The following MMP27 variants were observed in gnomAD, a reference collection of about 807,000 sequenced individuals.
MMP27 encodes matrix metallopeptidase 27, also known as matrix metalloproteinase-27.
Under a neutral mutation model 48.1 loss-of-function variants are expected in MMP27, and 51 were observed. The observed-to-expected ratio is 1.06, with a 90% CI of 0.85 to 1.34. The LOEUF (loss-of-function observed/expected upper bound fraction) is 1.34, where lower values mean the gene tolerates loss of function less well. Ranked by LOEUF, MMP27 falls within the 40% of genes most tolerant of loss-of-function variation. The pLI, the probability that MMP27 is intolerant of heterozygous loss-of-function variation, is 0.00. For synonymous variants in MMP27, 229 were observed against 208.9 expected (o/e 1.10, Z -0.83); for missense variants, 698 against 619.3 (o/e 1.13, Z -1.35).
In MMP27 at chr11:102,702,839, A is replaced by G; in HGVS notation, c.533T>C (p.Val178Ala). ...CPRYFDGPLG[V>A]LGHAFPPGPG... is the part of the protein sequence containing the mutation. ...ACCAGGAGGAAAGGCATGGCCAAGC[A>G]CTCCCAAGGGACCATCAAAATAGCG... Residue 178 changes from valine (V) to alanine (A), a missense_variant, in exon 4 of 10, where the codon GTG becomes GCG. Coordinates refer to ENST00000260229, the MANE Select transcript of MMP27 (RefSeq NM_022122.3). 1 of 1,613,986 alleles carries G rather than the reference A, an allele frequency of 6.2e-7. No homozygotes were observed. The highest frequency in any genetic ancestry group is 8.5e-7 in the Non-Finnish European group (1 of 1,179,970).
At chr11:102,692,821 T>G in intron 9 of MMP27, 117 bp downstream of exon 9, 1 of 730,094 alleles carries the variant, frequency 1.4e-6, no homozygotes, top group Non-Finnish European at 2.3e-6. Context: ...TATTATTGTA[T>G]ATACTTAAGA....
At chr11:102,699,497 A>G (rs563224372) in intron 4 of MMP27, among the ~76,000 whole-genome samples, 1 of 152,238 alleles carries the variant, frequency 6.6e-6, no homozygotes. Flanking sequence ...ACATACATAC[A>G]TACATAAAGT....
At position 102,693,888 on chromosome 11, in the gene MMP27, A is replaced by G; in HGVS notation, c.1193+18T>C. On this transcript the variant is annotated intron_variant, in intron 8 of 9. Coordinates refer to ENST00000260229, the MANE Select transcript of MMP27 (RefSeq NM_022122.3). ...TTTCTCCATAATAAAACAAAGTGTC[A>G]ATTGTCTGTAAACTTACCTCCAGCA... 1 of 1,562,148 alleles carries G rather than the reference A, an allele frequency of 6.4e-7. No individual in the cohort carries two copies. Among genetic ancestry groups the G allele is most frequent in the Non-Finnish European group, 8.6e-7 (1 of 1,157,176 alleles).
chr11:102,691,807 CA>C lies in MMP27; in HGVS notation c.1500del (p.Phe500LeufsTer7). The C allele has an allele frequency of 6.2e-7, 1 of 1,605,078 alleles. No homozygotes were observed. Among genetic ancestry groups the C allele is most frequent in the East Asian group, 2.2e-5 (1 of 44,554 alleles). ...LYHKSLSLFI[F>X]GIVHLLKNTS... ...GTGTTTTTCAGCAAATGAACAATACCAAAAATAAACAAGCTTAAACTCTTAT... is the reference window on the plus strand; with the variant it reads ...GTGTTTTTCAGCAAATGAACAATACCAAAATAAACAAGCTTAAACTCTTAT... On this transcript the variant is annotated frameshift_variant, in exon 10 of 10. Coordinates refer to ENST00000260229, the MANE Select transcript of MMP27 (RefSeq NM_022122.3). LOFTEE classifies it high-confidence loss of function.
chr11:102,694,067 TA>T lies in MMP27; in HGVS notation c.1034-3del. 6.4e-7 allele frequency: 1 copy of T among 1,564,472 alleles called. No homozygotes were observed. Among genetic ancestry groups the T allele is most frequent in the South Asian group, 1.2e-5 (1 of 81,374 alleles). On this transcript the variant is annotated splice_polypyrimidine_tract_variant and splice_region_variant and intron_variant, in intron 7 of 9. Coordinates refer to ENST00000260229, the MANE Select transcript of MMP27 (RefSeq NM_022122.3). ...CTCTGATCATCCAGAAGTTTTCATC[TA>T]GGAAGAGAGGAGTGATTATTTATTT... is the stretch of plus-strand genomic sequence containing the variant.
Position 102,691,487 on chromosome 11 carries a change from T to C in MMP27, c.*279A>G, listed in dbSNP as rs1035774689. ...TTAAACTCCAAAGGTCCAGACAAAA[T>C]AGAATGCTAAAGATTGGTTTAATAA... On this transcript the variant is annotated 3_prime_UTR_variant, in exon 10 of 10. Coordinates refer to ENST00000260229, the MANE Select transcript of MMP27 (RefSeq NM_022122.3). 3.7e-6 allele frequency: 1 copy of C among 268,138 alleles called. No homozygotes were observed. The highest frequency in any genetic ancestry group is 5.0e-5 in the Admixed American group (1 of 19,858). The allele number at this position is 268,138 out of a possible 1,614,324, so 16.6% of individuals were successfully genotyped here.
intron 2 of MMP27, 72 bp from the exon 3 acceptor site, chr11:102,703,190 A>T: frequency 7.2e-7 from 1 of 1,397,340 alleles, no homozygotes; most frequent in South Asian, 1.3e-5. Flanking sequence ...ACTACAAAAA[A>T]CATTTCTAGC....
intron 6 of MMP27, among the ~76,000 whole-genome samples, chr11:102,695,779 T>TAC (rs1860814131): frequency 6.6e-6 from 1 of 152,240 alleles, no homozygotes; most frequent in Non-Finnish European, 1.5e-5. Context: ...GGTCATGGTC[T>TAC]ACATAACTGA....
At chr11:102,704,803 AAG>A in intron 1 of MMP27, 28 bp from the exon 2 acceptor site, 1 of 1,473,506 alleles carries the variant, frequency 6.8e-7, no homozygotes, top group Non-Finnish European at 9.3e-7. Context: ...AAAAAAAAAA[AAG>A]AGGCACAGAC....
chr11:102,704,891 A>G, intron 1 of MMP27, 116 bp from the exon 2 acceptor site: 2 of 630,808 alleles, frequency 3.2e-6, no homozygotes, highest in Non-Finnish European at 5.5e-6. Context: ...AAAGGGGAAA[A>G]AAAAGAAGTA....
rs143045429 is a variant in MMP27 at position 102,705,231 on chromosome 11, A to T, written c.102+382T>A. Among the ~76,000 whole-genome samples, 569 of 152,344 alleles carry T rather than the reference A, an allele frequency of 3.7e-3. 3 individuals carry two copies. The highest frequency in any genetic ancestry group is 0.013 in the African/African-American group (533 of 41,564). On this transcript the variant is annotated intron_variant, in intron 1 of 9. Transcript: ENST00000260229. ...TTAACTGAACTGATTTTTAGAGGGA[A>T]TCTGTAAAGCAATGTATTTTTTTTC...
In MMP27 at chr11:102,704,612, G is replaced by T; in HGVS notation, c.266C>A (p.Pro89His). 6.2e-7 allele frequency: 1 copy of T among 1,614,114 alleles called. No homozygotes were observed. Among genetic ancestry groups the T allele is most frequent in the Non-Finnish European group, 8.5e-7 (1 of 1,180,006 alleles). Residue 89 changes from proline to histidine, a missense_variant, in exon 2 of 10, where the codon CCC (proline) becomes CAC (histidine). Transcript: ENST00000260229. Reference protein sequence around the residue: ...DSNTLEIMKTPRCGVPDVGQY... With the variant: ...DSNTLEIMKTHRCGVPDVGQY... ...GCCCACATCAGGCACCCCACACCTG[G>T]GTGTCTTCATGATCTCAAGGGTGTT...
Position 102,694,952 on chromosome 11 carries a change from G to T in MMP27, c.1033+15C>A, listed in dbSNP as rs1860795554. The T allele has an allele frequency of 8.7e-6, 14 of 1,613,528 alleles. No homozygotes were observed. Among genetic ancestry groups the T allele is most frequent in the Non-Finnish European group, 9.3e-6 (11 of 1,179,600 alleles). ...CAGCCAGAGGGAGAAGAGGAATCGG[G>T]ATGGGCCAGGTTACCTTTAAAAACC... is the stretch of plus-strand genomic sequence containing the variant. On this transcript the variant is annotated intron_variant, in intron 7 of 9. Transcript: ENST00000260229.
At chr11:102,696,858 C>A in intron 4 of MMP27, 23 bp from the exon 5 acceptor site, 1 of 1,599,140 alleles carries the variant, frequency 6.3e-7, no homozygotes, top group South Asian at 1.1e-5. Flanking sequence ...AGGGAAAACA[C>A]GAGCACATGA....
In MMP27 at chr11:102,691,989, C is replaced by T; in HGVS notation, c.1319G>A (p.Gly440Glu). 2.5e-6 allele frequency: 4 copies of T among 1,604,692 alleles called. No homozygotes were observed. The highest frequency in any genetic ancestry group is 3.4e-6 in the Non-Finnish European group (4 of 1,175,014). ...QYKGFFFFSR[G>E]SKQFEYDIKT... ...AATGTCGTATTCAAATTGCTTTGAT[C>T]CACGGCTGAAAAAGAAGAATCCTAG... The change falls in exon 10 of 10, where the codon GGA becomes GAA. Residue 440 changes from glycine (G) to glutamate (E), a missense_variant. Gly to Glu is a moderately conservative substitution (Grantham distance 98). Coordinates refer to ENST00000260229, the MANE Select transcript of MMP27 (RefSeq NM_022122.3).
At position 102,693,943 on chromosome 11, in the gene MMP27, T is replaced by C. The variant is rs1296340851; in HGVS notation, c.1156A>G (p.Arg386Gly). ...ATGCCCACAAAGAAGTAGGTTTTTCTTGTGGTCTTATCACAGACGGCTGCA... is the reference window on the plus strand; with the variant it reads ...ATGCCCACAAAGAAGTAGGTTTTTCCTGTGGTCTTATCACAGACGGCTGCA... Reference protein sequence around the residue: ...IDAAVCDKTTRKTYFFVGIWC... With the variant: ...IDAAVCDKTTGKTYFFVGIWC... Residue 386 changes from arginine (R) to glycine (G), a missense_variant, in exon 8 of 10, where the codon AGA becomes GGA. Coordinates refer to ENST00000260229, the MANE Select transcript of MMP27 (RefSeq NM_022122.3). 1.2e-6 allele frequency: 2 copies of C among 1,608,596 alleles called. No homozygotes were observed. Among genetic ancestry groups the C allele is most frequent in the Non-Finnish European group, 8.5e-7 (1 of 1,177,838 alleles).
At chr11:102,692,873 G>C in intron 9 of MMP27, 65 bp downstream of exon 9, 1 of 1,346,386 alleles carries the variant, frequency 7.4e-7, no homozygotes, top group Non-Finnish European at 1.0e-6. Context: ...AAGTTTTTGT[G>C]CTGTCTTTTT....
chr11:102,694,993 G>A lies in MMP27; in HGVS notation c.1007C>T (p.Pro336Leu), dbSNP rs1434869161. 1 of 1,613,928 alleles carries A rather than the reference G, an allele frequency of 6.2e-7. No homozygotes were observed. Among genetic ancestry groups the A allele is most frequent in the Non-Finnish European group, 8.5e-7 (1 of 1,179,914 alleles). ...PADLQAAYENPRDKILVFKDE... is the reference protein window; with the variant it reads ...PADLQAAYENLRDKILVFKDE... ...TTTAAAAACCAGAATCTTATCTCTG[G>A]GGTTCTCGTATGCAGCTTGCAGATC... is the stretch of plus-strand genomic sequence containing the variant. The change falls in exon 7 of 10, where the codon CCC becomes CTC. Residue 336 changes from proline (P) to leucine (L), a missense_variant. Physicochemically the swap from Pro to Leu is moderately conservative, Grantham distance 98. Coordinates refer to ENST00000260229, the MANE Select transcript of MMP27 (RefSeq NM_022122.3).
intron 4 of MMP27, among the ~76,000 whole-genome samples, chr11:102,700,705 T>C (rs903440554): frequency 2.6e-5 from 4 of 152,250 alleles, no homozygotes; most frequent in African/African-American, 7.2e-5. Context: ...TCTGTAGCAG[T>C]CTGTAAGGCC....
Sources: allele counts gnomAD v4.1 joint callset (sites outside exome capture counted in the v4.1 genomes callset), GRCh38; gene constraint gnomAD v4.1.1; transcripts MANE v1.5; gene names NCBI Gene and HGNC (gene_info 2026-07-23, HGNC 2026-07-21).